The following NINL variants were observed in gnomAD, a reference collection of about 807,000 sequenced individuals.
NINL encodes the protein ninein like, also known as ninein-like protein.
In NINL, 153 loss-of-function variants were observed where a neutral mutation model predicts 160.3. The ratio of observed to expected loss-of-function variants is 0.95; its 90% confidence interval spans 0.84 to 1.09. NINL has a LOEUF of 1.09. Among genes scored for constraint, NINL ranks in the 50% least tolerant of loss-of-function variants. The pLI, the probability that NINL is intolerant of heterozygous loss-of-function variation, is 0.00. For missense variants in NINL, 1,829 were observed against 1,764.0 expected (o/e 1.04, Z -0.66); for synonymous variants, 800 against 734.8 (o/e 1.09, Z -1.43).
chr20:25,463,703 C>T (rs556185498), intron 19 of NINL, among the ~76,000 whole-genome samples: 1 of 152,388 alleles, frequency 6.6e-6, no homozygotes, highest in Admixed American at 6.5e-5. Context: ...ATCGACCACG[C>T]ACACGTCACC....
At chr20:25,520,615 A>G (rs2064246345) in intron 2 of NINL, among the ~76,000 whole-genome samples, 1 of 152,206 alleles carries the variant, frequency 6.6e-6, no homozygotes, top group South Asian at 2.1e-4. Flanking sequence ...TCTCCTTCTC[A>G]CAGAGGCATT....
chr20:25,515,385 T>C (rs1256308199), intron 3 of NINL, among the ~76,000 whole-genome samples: 1 of 152,262 alleles, frequency 6.6e-6, no homozygotes, highest in Non-Finnish European at 1.5e-5. Context: ...ATCCCCATTG[T>C]ATCTTGGAAG....
intron 13 of NINL, among the ~76,000 whole-genome samples, chr20:25,486,299 A>G (rs936604889): frequency 1.3e-5 from 2 of 152,250 alleles, no homozygotes; most frequent in Non-Finnish European, 2.9e-5. Flanking sequence ...TTAGCATTTA[A>G]ATATAAAATA....
chr20:25,465,164 A>T (rs1283535641), intron 19 of NINL, among the ~76,000 whole-genome samples: 1 of 152,250 alleles, frequency 6.6e-6, no homozygotes, highest in Non-Finnish European at 1.5e-5. Flanking sequence ...ACATACGACC[A>T]GAGTAGCCTA....
chr20:25,529,644 G>A (rs1470648519), intron 1 of NINL, among the ~76,000 whole-genome samples: 1 of 152,110 alleles, frequency 6.6e-6, no homozygotes, highest in Non-Finnish European at 1.5e-5. Flanking sequence ...AGCAAACTAA[G>A]CCTGGGCAAC....
chr20:25,478,984 A>C lies in NINL; in HGVS notation c.2140T>G (p.Cys714Gly). 6.2e-7 allele frequency: 1 copy of C among 1,602,562 alleles called. No homozygotes were observed. The highest frequency in any genetic ancestry group is 8.5e-7 in the Non-Finnish European group (1 of 1,176,810). The change falls in exon 16 of 24, where the codon TGC (cysteine) becomes GGC (glycine). Residue 714 changes from cysteine to glycine, a missense_variant. Coordinates refer to ENST00000278886, the MANE Select transcript of NINL (RefSeq NM_025176.6). ...PEPEQMGLAP[C>G]CTQALCGLAL... ...AGGCCACACAGTGCCTGGGTGCAGC[A>C]GGGTGCCAGGCCCATCTGCTCAGGC...
At chr20:25,578,149 C>T (rs922005153) in intron 1 of NINL, among the ~76,000 whole-genome samples, 7 of 150,154 alleles carry the variant, frequency 4.7e-5, no homozygotes, top group Non-Finnish European at 8.9e-5. Context: ...CTCACTCTGG[C>T]GCCCATGGAG....
chr20:25,574,309 T>A (rs1056788497), intron 1 of NINL, among the ~76,000 whole-genome samples: 1 of 151,154 alleles, frequency 6.6e-6, no homozygotes, highest in African/African-American at 2.4e-5. Context: ...AAAGCTAGTG[T>A]CTGTGCCATG....
intron 21 of NINL, chr20:25,458,777 C>T (rs1054142401): frequency 1.7e-4 from 85 of 498,190 alleles, no homozygotes; most frequent in African/African-American, 1.5e-3. Flanking sequence ...AAAATGGTGA[C>T]GCTGACCTCC....
At chr20:25,562,157 G>A (rs1345582272) in intron 1 of NINL, among the ~76,000 whole-genome samples, 43 of 132,116 alleles carry the variant, frequency 3.3e-4, no homozygotes, top group African/African-American at 6.7e-4. Flanking sequence ...GAGACGCCCC[G>A]TCCGGGAGGG....
chr20:25,498,798 G>T, intron 8 of NINL: 1 of 607,700 alleles, frequency 1.6e-6, no homozygotes, highest in Non-Finnish European at 2.1e-6. Flanking sequence ...GATGGAGGGG[G>T]TCCCCACAGC....
chr20:25,551,981 C>A (rs988984034), intron 1 of NINL, among the ~76,000 whole-genome samples: 4 of 152,154 alleles, frequency 2.6e-5, no homozygotes, highest in African/African-American at 9.7e-5. Context: ...GTGAGGGAGG[C>A]CATCGGGAGG....
intron 3 of NINL, among the ~76,000 whole-genome samples, chr20:25,513,856 C>G (rs1252494979): frequency 2.6e-5 from 4 of 152,196 alleles, no homozygotes; most frequent in African/African-American, 9.7e-5. Context: ...TCCAGCCATG[C>G]CTCCTGTACA....
At chr20:25,559,755 C>T (rs1344757200) in intron 1 of NINL, among the ~76,000 whole-genome samples, 2 of 151,500 alleles carry the variant, frequency 1.3e-5, no homozygotes, top group Non-Finnish European at 2.9e-5. Flanking sequence ...CACACACCAC[C>T]ACACCCGACT....
At chr20:25,527,180 G>C (rs115908928) in intron 1 of NINL, among the ~76,000 whole-genome samples, 3,180 of 151,696 alleles carry the variant, frequency 0.021, 101 homozygotes, top group African/African-American at 0.072. Context: ...GGGAGACAGG[G>C]TCTTGCTCTA....
intron 1 of NINL, among the ~76,000 whole-genome samples, chr20:25,545,424 C>T (rs989081349): frequency 1.3e-5 from 2 of 152,094 alleles, no homozygotes; most frequent in Non-Finnish European, 2.9e-5. Context: ...CCTTTTCATA[C>T]ATTGGCATGT....
At chr20:25,498,688 C>T (rs2063808356) in intron 8 of NINL, among the ~76,000 whole-genome samples, 1 of 152,182 alleles carries the variant, frequency 6.6e-6, no homozygotes, top group Non-Finnish European at 1.5e-5. Flanking sequence ...GGCACAAGGC[C>T]CTTTTCCCTC....
intron 8 of NINL, among the ~76,000 whole-genome samples, chr20:25,500,628 ATTTC>A (rs775344015): frequency 2.6e-5 from 4 of 152,190 alleles, no homozygotes; most frequent in Non-Finnish European, 5.9e-5. Flanking sequence ...TTTGTGTTTT[ATTTC>A]TTATCTTTTT....
At chr20:25,501,797 T>A (rs957295380) in intron 7 of NINL, among the ~76,000 whole-genome samples, 3 of 152,112 alleles carry the variant, frequency 2.0e-5, no homozygotes, top group Non-Finnish European at 4.4e-5. Flanking sequence ...CGCACCTAGA[T>A]AATTTTCAAA....
Sources: gnomAD v4.1 joint callset for allele counts (sites outside exome capture counted in the v4.1 genomes callset) on GRCh38, gnomAD v4.1.1 for gene constraint, MANE v1.5 for transcripts, NCBI Gene and HGNC (gene_info 2026-07-23, HGNC 2026-07-21) for gene names.